The following AHRR variants were observed in gnomAD, a reference collection of about 807,000 sequenced individuals.
AHRR encodes ahR repressor.
A neutral mutation model predicts 44.0 loss-of-function variants in AHRR; 28 were observed. The observed-to-expected ratio is 0.64, with a 90% CI of 0.47 to 0.87. The LOEUF is 0.87. Ranked by LOEUF, AHRR falls within the 40% of genes least tolerant of loss-of-function variation. The pLI, the probability that AHRR is intolerant of heterozygous loss-of-function variation, is 0.00. For missense variants in AHRR, 990 were observed against 953.9 expected, an observed-to-expected ratio of 1.04 and a Z score of -0.50; for synonymous variants, 434 against 407.0, an observed-to-expected ratio of 1.07 and a Z score of -0.80.
chr5:364,623 AAAG>A (rs1743292212), intron 3 of AHRR, among the ~76,000 whole-genome samples: 1 of 152,154 alleles, frequency 6.6e-6, no homozygotes, highest in Admixed American at 6.5e-5. Flanking sequence ...GGAAAGGAAA[AAAG>A]AAACACAAAA....
intron 3 of AHRR, among the ~76,000 whole-genome samples, chr5:359,617 G>GC (rs1198280078): frequency 2.6e-5 from 4 of 152,194 alleles, no homozygotes; most frequent in African/African-American, 9.6e-5. Flanking sequence ...GCTGCTCCCT[G>GC]CTCCCTTCAC....
At chr5:339,280 A>G (rs929694164) in intron 1 of AHRR, among the ~76,000 whole-genome samples, 2 of 151,820 alleles carry the variant, frequency 1.3e-5, no homozygotes, top group African/African-American at 4.8e-5. Context: ...ACACTGGCTA[A>G]TTTTTTTTAA....
rs894882565 is a variant in AHRR, at chr5:338,132, C to T, written c.-10-5761C>T. Among the ~76,000 whole-genome samples the T allele has an allele frequency of 9.2e-5, 14 of 152,136 alleles. No homozygotes were observed. The East Asian group carries it at 2.5e-3, about 27-fold the overall frequency. ...GTAGCCGCCATATACTTGATGTCCA[C>T]GTTTGTTGTGAACCCCACAACACAC... On this transcript the variant is annotated intron_variant, in intron 1 of 10. Coordinates refer to ENST00000684583, the MANE Select transcript of AHRR (RefSeq NM_001377236.1). This position sits in a 1 kb window ranked among gnomAD's most constrained non-coding sequence, Gnocchi z 4.1.
intron 3 of AHRR, among the ~76,000 whole-genome samples, chr5:366,523 A>G (rs1743365956): frequency 6.6e-6 from 1 of 152,244 alleles, no homozygotes; most frequent in African/African-American, 2.4e-5. Context: ...AAGGTGAATT[A>G]CAAATCAAAT....
chr5:364,577 G>A (rs972153641), intron 3 of AHRR, among the ~76,000 whole-genome samples: 1 of 150,674 alleles, frequency 6.6e-6, no homozygotes, highest in Admixed American at 6.6e-5. Flanking sequence ...AAAAGAATGA[G>A]AAAATATAAT....
intron 4 of AHRR, among the ~76,000 whole-genome samples, chr5:377,979 T>G (rs2126447734): frequency 6.6e-6 from 1 of 152,274 alleles, no homozygotes; most frequent in South Asian, 2.1e-4. Context: ...TCACACCCAC[T>G]CTGTTCTGGG....
chr5:422,666 G>T, intron 5 of AHRR, 63 bp from the exon 6 acceptor site: 2 of 1,612,374 alleles, frequency 1.2e-6, no homozygotes, highest in Non-Finnish European at 1.7e-6. Flanking sequence ...TTACTCGTCG[G>T]TGGAATAAAG....
At chr5:381,859 A>G (rs1374188403) in intron 4 of AHRR, among the ~76,000 whole-genome samples, 1 of 151,892 alleles carries the variant, frequency 6.6e-6, no homozygotes, top group African/African-American at 2.4e-5. Flanking sequence ...CAGATTAAGA[A>G]ATTTCCCTTT....
At chr5:381,506 C>CT (rs781159124) in intron 4 of AHRR, among the ~76,000 whole-genome samples, 4,226 of 46,862 alleles carry the variant, frequency 0.09, 1,723 homozygotes, top group African/African-American at 0.34. Flanking sequence ...CTTAGGTTTG[C>CT]TTTTTTTTTT....
At chr5:433,095 C>T (rs1579717150) in intron 10 of AHRR, 148 bp downstream of exon 10, 1 of 1,028,628 alleles carries the variant, frequency 9.7e-7, no homozygotes, top group East Asian at 2.7e-5. Flanking sequence ...TAACCTTACT[C>T]TCTGTGGAGC....
At position 422,756 on chromosome 5, in the gene AHRR, G is replaced by A. The variant is rs1364717961; in HGVS notation, c.469G>A (p.Asp157Asn). 1 of 1,614,172 alleles carries A rather than the reference G, an allele frequency of 6.2e-7. No homozygotes were observed. Among genetic ancestry groups the A allele is most frequent in the East Asian group, 2.2e-5 (1 of 44,876 alleles). Reference sequence around the variant, plus strand: ...GGATGTAATGCACCAGAACATTTATGACTACATCCACGTGGACGACCGCCA... The same window carrying A: ...GGATGTAATGCACCAGAACATTTATAACTACATCCACGTGGACGACCGCCA... ...QTDVMHQNIY[D>N]YIHVDDRQDF... The change falls in exon 6 of 11, where the codon GAC becomes AAC. Residue 157 changes from aspartate (D) to asparagine (N), a missense_variant. Transcript: ENST00000684583.
intron 3 of AHRR, among the ~76,000 whole-genome samples, chr5:362,510 T>G (rs1743218644): frequency 6.6e-6 from 1 of 152,182 alleles, no homozygotes; most frequent in African/African-American, 2.4e-5. Context: ...CACTGGTGCC[T>G]TCTGGAAGAT....
intron 3 of AHRR, among the ~76,000 whole-genome samples, chr5:372,488 C>T (rs984197996): frequency 6.6e-6 from 1 of 152,088 alleles, no homozygotes; most frequent in Non-Finnish European, 1.5e-5. Context: ...TTCTTCATCT[C>T]GCCTTCTTTT....
intron 2 of AHRR, among the ~76,000 whole-genome samples, chr5:346,880 G>A (rs1742697181): frequency 6.6e-6 from 1 of 152,192 alleles, no homozygotes; most frequent in African/African-American, 2.4e-5. Flanking sequence ...TCCGCCTCCG[G>A]GGTCTCATGT....
chr5:353,875 A>G lies in AHRR; in HGVS notation c.208A>G (p.Ser70Gly). The G allele has an allele frequency of 1.2e-6, 2 of 1,614,008 alleles. No individual in the cohort carries two copies. The highest frequency in any genetic ancestry group is 1.7e-6 in the Non-Finnish European group (2 of 1,179,960). Residue 70 changes from serine to glycine, a missense_variant, in exon 3 of 11, where the codon AGT becomes GGT. Transcript: ENST00000684583. ...KLDKLSVLRL[S>G]VSYLRVKSFF... ...GGACAAGCTTTCTGTCCTGCGCCTC[A>G]GTGTCAGTTACCTCCGGGTGAAGAG... is the stretch of plus-strand genomic sequence containing the variant.
intron 4 of AHRR, among the ~76,000 whole-genome samples, chr5:386,278 G>A (rs1734165707): frequency 6.6e-6 from 1 of 152,114 alleles, no homozygotes; most frequent in Non-Finnish European, 1.5e-5. Context: ...CAGTAATTTA[G>A]GATTGTGTGA....
Position 411,870 on chromosome 5 carries a change from C to G in AHRR, c.352-1474C>G, listed in dbSNP as rs1352617771. On this transcript the variant is annotated intron_variant, in intron 4 of 10. Transcript: ENST00000684583. This position sits in a 1 kb window ranked among gnomAD's most constrained non-coding sequence, Gnocchi z 4.2. ...TCCAGGTGACTCAGCCCCCTCACCC[C>G]CAGCTTCTACCTCGTGTGGGATGTG... is the stretch of plus-strand genomic sequence containing the variant. Among the ~76,000 whole-genome samples, 1 of 152,200 alleles carries G rather than the reference C, an allele frequency of 6.6e-6. No homozygotes were observed. The highest frequency in any genetic ancestry group is 2.4e-5 in the African/African-American group (1 of 41,446).
At position 434,093 on chromosome 5, in the gene AHRR, C is replaced by T. The variant is rs1166364688; in HGVS notation, c.1353C>T (p.His451=). The T allele has an allele frequency of 1.2e-6, 2 of 1,612,952 alleles. No homozygotes were observed. Among genetic ancestry groups the T allele is most frequent in the African/African-American group, 2.7e-5 (2 of 74,918 alleles). ...QGTFRNSPIS[H]PPSPSPSAYS... ...CTTTCAGGAACTCGCCCATCTCTCA[C>T]CCGCCGAGCCCGTCCCCCAGTGCCT... is the stretch of plus-strand genomic sequence containing the variant. Residue 451 remains histidine (H), a synonymous_variant, in exon 11 of 11, where the codon CAC becomes CAT. Transcript: ENST00000684583.
At chr5:426,316 G>C (rs1736386528) in intron 7 of AHRR, among the ~76,000 whole-genome samples, 1 of 151,390 alleles carries the variant, frequency 6.6e-6, no homozygotes, top group South Asian at 2.1e-4. Flanking sequence ...ATGATGGATG[G>C]TTGGATAGGA....
Sources: gnomAD v4.1 joint callset for allele counts (sites outside exome capture counted in the v4.1 genomes callset) on GRCh38, gnomAD v4.1.1 for gene constraint, Gnocchi (gnomAD v3.1) non-coding constraint, MANE v1.5 for transcripts, NCBI Gene and HGNC (gene_info 2026-07-23, HGNC 2026-07-21) for gene names.